TIMM23: variants seen among roughly 807,000 people sequenced by gnomAD.
The protein encoded by TIMM23 is translocase of inner mitochondrial membrane 23.
Under a neutral mutation model 30.7 loss-of-function variants are expected in TIMM23, and 19 were observed. The ratio of observed to expected loss-of-function variants is 0.62; its 90% CI spans 0.43 to 0.91. The LOEUF (loss-of-function observed/expected upper bound fraction) is 0.91. Ranked by LOEUF, TIMM23 falls within the 40% of genes least tolerant of loss-of-function variation. The pLI, the probability that TIMM23 is intolerant of heterozygous loss-of-function variation, is 0.00. For synonymous variants in TIMM23, 78 were observed against 98.5 expected (o/e 0.79, Z 1.23); for missense variants, 202 against 269.2 (o/e 0.75, Z 1.75).
At chr10:45,998,040 A>T (rs924588463) in intron 6 of TIMM23, among the ~76,000 whole-genome samples, 3 of 152,210 alleles carry the variant, frequency 2.0e-5, no homozygotes, top group Admixed American at 6.5e-5. Flanking sequence ...GTTCCTATAG[A>T]ACAGGAGCCA....
intron 6 of TIMM23, among the ~76,000 whole-genome samples, chr10:45,994,769 A>G (rs1348401237): frequency 1.3e-5 from 2 of 151,188 alleles, no homozygotes; most frequent in East Asian, 3.9e-4. Context: ...TCTGTATTTA[A>G]AGAGTACATT....
chr10:45,982,708 T>G lies in TIMM23; in HGVS notation c.259+92T>G, dbSNP rs1478364267. ...AGCAATTAGAATGTTGGTTTCAGGG[T>G]TTTTTTTTTAATATTTACATTTGTC... On this transcript the variant is annotated intron_variant, in intron 3 of 6. Transcript: ENST00000580018. The G allele has an allele frequency of 8.2e-4, 1,135 of 1,378,136 alleles. 5 individuals carry two copies. The African/African-American group carries it at 0.011, about 13-fold the overall frequency. The allele number at this position is 1,378,136 out of a possible 1,614,324, so 85.4% of individuals were successfully genotyped here.
intron 6 of TIMM23, chr10:46,002,457 C>T (rs1055332271): frequency 1.0e-6 from 1 of 978,728 alleles, no homozygotes; most frequent in Non-Finnish European, 1.2e-6. Context: ...GTGTGAGCCA[C>T]CATGCCTGGC....
chr10:46,002,083 G>T (rs1284499456), intron 6 of TIMM23, among the ~76,000 whole-genome samples: 1 of 152,136 alleles, frequency 6.6e-6, no homozygotes, highest in African/African-American at 2.4e-5. Context: ...ATGATGCTAG[G>T]TGTCACTCAC....
rs1284706612 is a variant in TIMM23 at position 45,992,630 on chromosome 10, T to C, written c.514+3783T>C. ...TGCAGTGCAGTGGCACAATCTTGGC[T>C]CATTACAACCTCCACCTCCCGGGTT... On this transcript the variant is annotated intron_variant, in intron 6 of 6. Transcript: ENST00000580018. 5 of 419,244 alleles carry C rather than the reference T, an allele frequency of 1.2e-5. No individual in the cohort carries two copies. In the East Asian group the frequency reaches 3.5e-4, roughly 30 times the overall value. The allele number at this position is 419,244 out of a possible 1,614,324, so 26.0% of individuals were successfully genotyped here.
intron 6 of TIMM23, 62 bp downstream of exon 6, chr10:45,988,909 A>G (rs1187814122): frequency 4.6e-6 from 7 of 1,521,464 alleles, no homozygotes; most frequent in Middle Eastern, 1.7e-4. Context: ...TTTAAAATTC[A>G]TGGTTTTCAA....
Position 45,982,506 on chromosome 10 carries a change from C to G in TIMM23, c.166-17C>G. On this transcript the variant is annotated splice_polypyrimidine_tract_variant and intron_variant, in intron 2 of 6. Coordinates refer to ENST00000580018, the MANE Select transcript of TIMM23 (RefSeq NM_006327.4). ...CTTGAGGGACACTCAGCTTGGTTTT[C>G]ATTATTATCCTTTTAGGATACAGAT... is the stretch of plus-strand genomic sequence containing the variant. The G allele has an allele frequency of 1.9e-5, 30 of 1,613,620 alleles. 1 individual carries two copies. In the South Asian group the frequency reaches 3.3e-4, roughly 18 times the overall value.
chr10:45,996,132 C>T (rs1472306451), intron 6 of TIMM23, among the ~76,000 whole-genome samples: 1 of 143,198 alleles, frequency 7.0e-6, no homozygotes, highest in Non-Finnish European at 1.5e-5. Context: ...GAGGCCAAGG[C>T]GGGAGGATCA....
At chr10:45,991,144 C>T in intron 6 of TIMM23, among the ~76,000 whole-genome samples, 1 of 152,134 alleles carries the variant, frequency 6.6e-6, no homozygotes, top group Non-Finnish European at 1.5e-5. Context: ...ACAGTTGAGC[C>T]AGACCTTAAG....
chr10:45,998,125 G>A (rs1397461325), intron 6 of TIMM23, among the ~76,000 whole-genome samples: 1 of 152,120 alleles, frequency 6.6e-6, no homozygotes, highest in Non-Finnish European at 1.5e-5. Context: ...TTTTAGTTAC[G>A]TTTTAAATGG....
intron 4 of TIMM23, 133 bp from the exon 5 acceptor site, chr10:45,985,250 T>G (rs1837960053): frequency 1.5e-5 from 11 of 733,332 alleles, no homozygotes; most frequent in Non-Finnish European, 1.8e-5. Context: ...ATCGGAGATA[T>G]TAAGATGTAT....
intron 2 of TIMM23, among the ~76,000 whole-genome samples, chr10:45,977,922 T>C (rs1325728404): frequency 1.3e-5 from 2 of 151,904 alleles, no homozygotes; most frequent in Non-Finnish European, 2.9e-5. Context: ...TCCCAGCTAC[T>C]TGGGAGGCTG....
At chr10:46,000,315 TAATA>T (rs1270065806) in intron 6 of TIMM23, among the ~76,000 whole-genome samples, 3 of 152,248 alleles carry the variant, frequency 2.0e-5, no homozygotes, top group Non-Finnish European at 4.4e-5. Flanking sequence ...TTTGGGGAAC[TAATA>T]AATGTCCATG....
At chr10:45,989,800 G>C (rs1365960855) in intron 6 of TIMM23, among the ~76,000 whole-genome samples, 1 of 152,042 alleles carries the variant, frequency 6.6e-6, no homozygotes, top group African/African-American at 2.4e-5. Flanking sequence ...TGCTGTCAAG[G>C]GTCAGATAAT....
At chr10:45,979,257 A>T (rs1837768936) in intron 2 of TIMM23, among the ~76,000 whole-genome samples, 4 of 152,338 alleles carry the variant, frequency 2.6e-5, no homozygotes, top group Admixed American at 1.3e-4. Context: ...CGCTCTAAGT[A>T]AGTGGATTGT....
chr10:46,002,220 GGCTGGAGT>G (rs1838563840), intron 6 of TIMM23: 1 of 151,856 alleles, frequency 6.6e-6, no homozygotes, highest in African/African-American at 2.4e-5. Flanking sequence ...CTGTCACCCA[GGCTGGAGT>G]GCAGTGGTGT....
At chr10:45,976,269 A>AT (rs1837669654) in intron 2 of TIMM23, among the ~76,000 whole-genome samples, 1 of 151,244 alleles carries the variant, frequency 6.6e-6, no homozygotes, top group South Asian at 2.1e-4. Context: ...ATCTCAATAG[A>AT]TTCACAAAAA....
At chr10:45,993,541 G>C (rs1437633784) in intron 6 of TIMM23, among the ~76,000 whole-genome samples, 1 of 151,810 alleles carries the variant, frequency 6.6e-6, no homozygotes. Context: ...GCGATAGAGC[G>C]AGTCTGTCTC....
intron 3 of TIMM23, 26 bp from the exon 4 acceptor site, chr10:45,982,820 C>G: frequency 6.2e-7 from 1 of 1,613,342 alleles, no homozygotes; most frequent in Non-Finnish European, 8.5e-7. Context: ...CTGTCTTTAT[C>G]TGGGTGAATT....
Sources: allele counts gnomAD v4.1 joint callset (sites outside exome capture counted in the v4.1 genomes callset), GRCh38; gene constraint gnomAD v4.1.1; transcripts MANE v1.5; gene names NCBI Gene and HGNC (gene_info 2026-07-23, HGNC 2026-07-21).